UTRN: variants seen among roughly 807,000 people sequenced by gnomAD.
UTRN encodes dystrophin-related protein 1.
In UTRN, 283 loss-of-function variants were observed where a neutral mutation model predicts 463.9. That is an observed-to-expected ratio of 0.61 (90% CI 0.55 to 0.67). The LOEUF (loss-of-function observed/expected upper bound fraction) is 0.67. Among genes scored for constraint, UTRN ranks in the 30% least tolerant of loss-of-function variants. UTRN has a pLI of 0.00. For missense variants in UTRN, 3,922 were observed against 4,084.3 expected, an observed-to-expected ratio of 0.96 and a Z score of 1.08; for synonymous variants, 1,442 against 1,431.5, an observed-to-expected ratio of 1.01 and a Z score of -0.17.
chr6:144,715,731 G>T, intron 53 of UTRN, among the ~76,000 whole-genome samples: 4 of 129,630 alleles, frequency 3.1e-5, no homozygotes, highest in Admixed American at 8.6e-5. Flanking sequence ...TTTTTCTATA[G>T]CATTTATCAG....
chr6:144,817,240 T>C (rs185703127), intron 65 of UTRN, among the ~76,000 whole-genome samples: 62 of 152,360 alleles, frequency 4.1e-4, no homozygotes, highest in South Asian at 1.0e-3. Flanking sequence ...CAAGGTCCTA[T>C]GCTAACCTGT....
intron 2 of UTRN, among the ~76,000 whole-genome samples, chr6:144,397,647 T>A (rs186526494): frequency 6.6e-6 from 1 of 152,264 alleles, no homozygotes; most frequent in East Asian, 1.9e-4. Flanking sequence ...GTATTGAGTC[T>A]GAGGCTGAAA....
At chr6:144,385,710 T>A (rs1208473128) in intron 2 of UTRN, among the ~76,000 whole-genome samples, 1 of 148,988 alleles carries the variant, frequency 6.7e-6, no homozygotes, top group Admixed American at 6.6e-5. Context: ...AACTCTATTT[T>A]TTTTTTTTTT....
intron 58 of UTRN, among the ~76,000 whole-genome samples, chr6:144,764,769 GAAGT>G (rs996714195): frequency 2.6e-5 from 4 of 152,030 alleles, no homozygotes; most frequent in African/African-American, 9.7e-5. Context: ...GAAAAAAATA[GAAGT>G]AATTAATCCC....
intron 52 of UTRN, among the ~76,000 whole-genome samples, chr6:144,693,191 C>T (rs2128693634): frequency 6.6e-6 from 1 of 152,242 alleles, no homozygotes; most frequent in African/African-American, 2.4e-5. Context: ...TGTCAAAGAT[C>T]ATATAGTTGT....
At chr6:144,447,519 T>C in intron 15 of UTRN, 83 bp from the exon 16 acceptor site, 1 of 1,498,056 alleles carries the variant, frequency 6.7e-7, no homozygotes, top group Non-Finnish European at 9.1e-7. Context: ...CTATAAAAGA[T>C]ACATGTTTAA....
chr6:144,485,630 G>T, intron 28 of UTRN, 111 bp downstream of exon 28: 1 of 1,461,746 alleles, frequency 6.8e-7, no homozygotes, highest in Non-Finnish European at 9.2e-7. Context: ...CTTCCTCAGT[G>T]GTTTTCAATG....
chr6:144,840,490 G>A (rs993092197), intron 72 of UTRN, among the ~76,000 whole-genome samples: 2 of 152,098 alleles, frequency 1.3e-5, no homozygotes, highest in Non-Finnish European at 2.9e-5. Context: ...ATATTTTTCA[G>A]TCCCCTGGTG....
At position 144,522,177 on chromosome 6, in the gene UTRN, C is replaced by A. The variant is rs571788978; in HGVS notation, c.5733+6C>A. Reference sequence around the variant, plus strand: ...TTCAGGAAGACTCTCTGAAGGTAGACCTCTGGGCACTGTGTTTGAATGGCC... The same window carrying A: ...TTCAGGAAGACTCTCTGAAGGTAGAACTCTGGGCACTGTGTTTGAATGGCC... On this transcript the variant is annotated splice_donor_region_variant and intron_variant, in intron 40 of 74. Transcript: ENST00000367545. 26 of 1,497,854 alleles carry A rather than the reference C, an allele frequency of 1.7e-5. No individual in the cohort carries two copies. The highest frequency in any genetic ancestry group is 4.3e-5 in the African/African-American group (3 of 70,050). 92.8% of individuals were successfully genotyped at this position (1,497,854 alleles called of 1,614,324 possible). A position where few individuals can be genotyped will look rare whatever the true frequency, so the allele number is the denominator to read the frequency against.
At chr6:144,538,340 A>T (rs543685384) in intron 44 of UTRN, among the ~76,000 whole-genome samples, 1 of 152,262 alleles carries the variant, frequency 6.6e-6, no homozygotes, top group African/African-American at 2.4e-5. Context: ...TTGTTGCAGA[A>T]CACTCAGCAT....
intron 51 of UTRN, among the ~76,000 whole-genome samples, chr6:144,668,878 G>A (rs1004346971): frequency 6.6e-6 from 1 of 152,180 alleles, no homozygotes; most frequent in Non-Finnish European, 1.5e-5. Context: ...AAGGACAATA[G>A]AACTATGGTG....
intron 2 of UTRN, among the ~76,000 whole-genome samples, chr6:144,299,768 G>A (rs984405979): frequency 2.0e-5 from 3 of 152,082 alleles, no homozygotes; most frequent in East Asian, 1.9e-4. Flanking sequence ...AAAGACAGAC[G>A]TGTTTTTGAA....
At chr6:144,450,928 C>T (rs749041125) in intron 17 of UTRN, among the ~76,000 whole-genome samples, 1 of 152,154 alleles carries the variant, frequency 6.6e-6, no homozygotes, top group Non-Finnish European at 1.5e-5. Context: ...GCCTGGCCAA[C>T]ATGGTGAAAC....
intron 24 of UTRN, 38 bp downstream of exon 24, chr6:144,473,871 C>A: frequency 6.8e-7 from 1 of 1,475,162 alleles, no homozygotes; most frequent in Non-Finnish European, 9.4e-7. Context: ...TCATAAATAA[C>A]ATTTTGTTCT....
chr6:144,557,429 G>GAATTT, intron 50 of UTRN, 118 bp downstream of exon 50: 1 of 976,106 alleles, frequency 1.0e-6, no homozygotes, highest in Non-Finnish European at 1.4e-6. Context: ...TTATTATTAT[G>GAATTT]TATTTTTATA....
At chr6:144,785,085 CTT>C (rs142251769) in intron 61 of UTRN, among the ~76,000 whole-genome samples, 1 of 152,208 alleles carries the variant, frequency 6.6e-6, no homozygotes, top group African/African-American at 2.4e-5. Context: ...GTTATTAACT[CTT>C]TTCAACCAAT....
intron 2 of UTRN, among the ~76,000 whole-genome samples, chr6:144,329,451 A>G (rs561343078): frequency 6.6e-6 from 1 of 152,312 alleles, no homozygotes; most frequent in South Asian, 2.1e-4. Flanking sequence ...AAATACTGAA[A>G]AAGTCTGTGA....
chr6:144,844,615 G>C (rs959735728), intron 73 of UTRN, among the ~76,000 whole-genome samples: 16 of 152,118 alleles, frequency 1.1e-4, no homozygotes, highest in African/African-American at 3.9e-4. Context: ...TTTCTAGCTG[G>C]GAAGGTTTCC....
At chr6:144,725,104 G>A (rs1016470152) in intron 53 of UTRN, among the ~76,000 whole-genome samples, 27 of 152,198 alleles carry the variant, frequency 1.8e-4, no homozygotes, top group African/African-American at 6.0e-4. Flanking sequence ...TCATGGGAGG[G>A]ACCCAGTGGG....
Sources: gnomAD v4.1 joint callset for allele counts (sites outside exome capture counted in the v4.1 genomes callset) on GRCh38, gnomAD v4.1.1 for gene constraint, MANE v1.5 for transcripts, NCBI Gene and HGNC (gene_info 2026-07-23, HGNC 2026-07-21) for gene names.